Variants in LRRTM4 observed in about 807,000 individuals in gnomAD.
LRRTM4 encodes leucine-rich repeat transmembrane neuronal protein 4.
A neutral mutation model predicts 47.6 loss-of-function variants in LRRTM4; 25 were observed. The observed-to-expected ratio is 0.53, with a 90% confidence interval of 0.38 to 0.73. The LOEUF (loss-of-function observed/expected upper bound fraction) is 0.73. Among genes scored for constraint, LRRTM4 ranks in the 30% least tolerant of loss-of-function variants. LRRTM4 has a pLI of 0.00. For missense variants in LRRTM4, 638 were observed against 713.4 expected, an observed-to-expected ratio of 0.89 and a Z score of 1.20; for synonymous variants, 311 against 269.5, an observed-to-expected ratio of 1.15 and a Z score of -1.51.
At chr2:77,337,998 TC>T (rs1160882699) in intron 3 of LRRTM4, among the ~76,000 whole-genome samples, 1 of 151,958 alleles carries the variant, frequency 6.6e-6, no homozygotes, top group East Asian at 1.9e-4. Context: ...GTGAAAGGAA[TC>T]CCCATAGAAT....
At chr2:77,365,807 T>C (rs1672420208) in intron 3 of LRRTM4, among the ~76,000 whole-genome samples, 1 of 150,908 alleles carries the variant, frequency 6.6e-6, no homozygotes, top group Non-Finnish European at 1.5e-5. Flanking sequence ...AGCGTAAACC[T>C]ATTTGATGGA....
intron 3 of LRRTM4, among the ~76,000 whole-genome samples, chr2:77,371,114 A>C (rs1323106909): frequency 6.6e-6 from 1 of 151,774 alleles, no homozygotes; most frequent in Non-Finnish European, 1.5e-5. Context: ...TCAATGGTCA[A>C]CTTACATATG....
At chr2:77,445,523 A>G (rs1676018488) in intron 3 of LRRTM4, among the ~76,000 whole-genome samples, 1 of 151,844 alleles carries the variant, frequency 6.6e-6, no homozygotes, top group Non-Finnish European at 1.5e-5. Context: ...TTAATCTTCA[A>G]ACGATTTCTG....
At chr2:77,013,703 G>A (rs1294945721) in intron 3 of LRRTM4, among the ~76,000 whole-genome samples, 2 of 152,158 alleles carry the variant, frequency 1.3e-5, no homozygotes, top group Admixed American at 1.3e-4. Context: ...AATCTCCCCA[G>A]TAAATTTACA....
chr2:76,769,184 G>A (rs12995505), intron 3 of LRRTM4, among the ~76,000 whole-genome samples: 19,700 of 151,990 alleles, frequency 0.13, 1,766 homozygotes, highest in East Asian at 0.39. Context: ...TAGAAGGAAC[G>A]TTCTGCTCCC....
At chr2:77,096,247 A>G (rs1670809360) in intron 3 of LRRTM4, among the ~76,000 whole-genome samples, 3 of 151,846 alleles carry the variant, frequency 2.0e-5, no homozygotes, top group Non-Finnish European at 4.4e-5. Context: ...CAATAATAGA[A>G]TAAAAAATTG....
intron 3 of LRRTM4, among the ~76,000 whole-genome samples, chr2:77,393,236 A>G (rs1212994991): frequency 6.6e-6 from 1 of 152,048 alleles, no homozygotes; most frequent in Non-Finnish European, 1.5e-5. Context: ...TAGAAAAACA[A>G]AAACACATGG....
chr2:77,103,279 TAAAAG>T (rs1329713921), intron 3 of LRRTM4, among the ~76,000 whole-genome samples: 2 of 152,050 alleles, frequency 1.3e-5, no homozygotes, highest in Admixed American at 1.3e-4. Flanking sequence ...CCGCAGAAAA[TAAAAG>T]AAACATTTTG....
intron 3 of LRRTM4, among the ~76,000 whole-genome samples, chr2:76,833,494 G>A (rs1671415205): frequency 6.6e-6 from 1 of 152,012 alleles, no homozygotes; most frequent in Admixed American, 6.6e-5. Context: ...TGATGGTTGG[G>A]TTTTAAAAAC....
chr2:77,490,174 C>T (rs1050367526), intron 3 of LRRTM4, among the ~76,000 whole-genome samples: 1 of 151,926 alleles, frequency 6.6e-6, no homozygotes, highest in Non-Finnish European at 1.5e-5. Flanking sequence ...TGCTTGAACT[C>T]AGGATGCGAA....
chr2:77,114,365 C>T (rs1671331525), intron 3 of LRRTM4, among the ~76,000 whole-genome samples: 1 of 152,132 alleles, frequency 6.6e-6, no homozygotes, highest in Admixed American at 6.5e-5. Flanking sequence ...TACCCGAATA[C>T]CTCCTTGTTT....
At chr2:77,081,162 C>T (rs1312009615) in intron 3 of LRRTM4, among the ~76,000 whole-genome samples, 1 of 151,438 alleles carries the variant, frequency 6.6e-6, no homozygotes, top group Non-Finnish European at 1.5e-5. Context: ...TTTTATCTGT[C>T]CCTCTTATAG....
intron 3 of LRRTM4, among the ~76,000 whole-genome samples, chr2:77,492,984 T>A (rs1175875397): frequency 6.6e-6 from 1 of 152,142 alleles, no homozygotes; most frequent in African/African-American, 2.4e-5. Flanking sequence ...TTAATTAGAA[T>A]GTTTTTTAGA....
chr2:77,252,505 CT>C (rs571204879), intron 3 of LRRTM4, among the ~76,000 whole-genome samples: 1 of 151,776 alleles, frequency 6.6e-6, no homozygotes, highest in Non-Finnish European at 1.5e-5. Context: ...CCTCCTAAGT[CT>C]TTTTAGATTT....
chr2:77,381,681 GT>G (rs1486697396), intron 3 of LRRTM4, among the ~76,000 whole-genome samples: 1 of 151,986 alleles, frequency 6.6e-6, no homozygotes, highest in East Asian at 1.9e-4. Context: ...TTATCTTAAT[GT>G]TTTGATGAAA....
chr2:77,351,344 T>G (rs1484722179), intron 3 of LRRTM4, among the ~76,000 whole-genome samples: 3 of 151,806 alleles, frequency 2.0e-5, no homozygotes, highest in Non-Finnish European at 4.4e-5. Flanking sequence ...TTAAGTGTTG[T>G]ATTTCATAGC....
intron 3 of LRRTM4, among the ~76,000 whole-genome samples, chr2:76,968,381 T>TATACAC (rs1573381815): frequency 4.3e-5 from 5 of 116,218 alleles, no homozygotes; most frequent in East Asian, 5.8e-4. Flanking sequence ...TATATATATA[T>TATACAC]ATACACATAC....
At chr2:77,218,199 G>C (rs1242043578) in intron 3 of LRRTM4, among the ~76,000 whole-genome samples, 1 of 151,978 alleles carries the variant, frequency 6.6e-6, no homozygotes, top group African/African-American at 2.4e-5. Flanking sequence ...TCTTCATGTT[G>C]GTCAGGCTGG....
At chr2:77,389,221 C>A (rs977867087) in intron 3 of LRRTM4, among the ~76,000 whole-genome samples, 2 of 151,886 alleles carry the variant, frequency 1.3e-5, no homozygotes, top group Admixed American at 6.6e-5. Context: ...TTTATTATAC[C>A]TATATTTTAA....
Sources: allele counts gnomAD v4.1 joint callset (sites outside exome capture counted in the v4.1 genomes callset), GRCh38; gene constraint gnomAD v4.1.1; transcripts MANE v1.5; gene names NCBI Gene and HGNC (gene_info 2026-07-23, HGNC 2026-07-21).